Variants in SULF1 observed in about 807,000 individuals in gnomAD.
SULF1 encodes sulfatase 1.
Under a neutral mutation model 110.5 loss-of-function variants are expected in SULF1, and 46 were observed. The observed-to-expected ratio is 0.42, with a 90% confidence interval of 0.33 to 0.53. The LOEUF (loss-of-function observed/expected upper bound fraction) is 0.53. Among genes scored for constraint, SULF1 ranks in the 20% least tolerant of loss-of-function variants. The pLI is 0.12. For synonymous variants in SULF1, 371 were observed against 387.1 expected (o/e 0.96, Z 0.49); for missense variants, 941 against 1,094.2 (o/e 0.86, Z 1.98).
Position 69,499,475 on chromosome 8 carries a change from C to G in SULF1, c.-228-2399C>G, listed in dbSNP as rs113370485. On this transcript the variant is annotated intron_variant, in intron 2 of 22. Coordinates refer to ENST00000402687, the MANE Select transcript of SULF1 (RefSeq NM_001128205.2). ...TTTCTATTGCATATTAAGAATTACA[C>G]CTGTTTATAAGGAACTGTTACAAGA... 2.0e-5 allele frequency among the ~76,000 whole-genome samples: 3 copies of G among 152,138 alleles called. No homozygotes were observed. In the South Asian group the frequency reaches 6.2e-4, roughly 31 times the overall value.
At chr8:69,632,752 C>T (rs1381231681) in intron 19 of SULF1, among the ~76,000 whole-genome samples, 8 of 152,216 alleles carry the variant, frequency 5.3e-5, no homozygotes, top group East Asian at 1.9e-4. Context: ...AGGCCAAGAA[C>T]AGCAATTCAT....
At chr8:69,549,710 T>G (rs1295496269) in intron 3 of SULF1, among the ~76,000 whole-genome samples, 2 of 152,166 alleles carry the variant, frequency 1.3e-5, no homozygotes, top group African/African-American at 4.8e-5. Context: ...ACTCGGAGCC[T>G]GAGAATGACT....
chr8:69,640,386 T>C (rs1002815871), intron 21 of SULF1, among the ~76,000 whole-genome samples: 5 of 152,210 alleles, frequency 3.3e-5, no homozygotes, highest in African/African-American at 1.2e-4. Flanking sequence ...GAGCCAGTTA[T>C]GCTGTTTCAC....
intron 13 of SULF1, among the ~76,000 whole-genome samples, chr8:69,616,315 G>A (rs1329814105): frequency 6.6e-6 from 1 of 151,694 alleles, no homozygotes; most frequent in Non-Finnish European, 1.5e-5. Flanking sequence ...TGCCTCTCAG[G>A]TTCAAGCCAT....
At chr8:69,516,416 TACTC>T (rs1811921961) in intron 3 of SULF1, among the ~76,000 whole-genome samples, 1 of 151,176 alleles carries the variant, frequency 6.6e-6, no homozygotes, top group Admixed American at 6.6e-5. Flanking sequence ...TGTGGGAACT[TACTC>T]ACTATTATGA....
chr8:69,657,386 G>A (rs1218267401), intron 22 of SULF1, among the ~76,000 whole-genome samples: 5 of 152,026 alleles, frequency 3.3e-5, no homozygotes, highest in South Asian at 2.1e-4. Flanking sequence ...GCCTTCAATC[G>A]TGCACAGGCA....
At chr8:69,528,611 G>A (rs2150634583) in intron 3 of SULF1, among the ~76,000 whole-genome samples, 1 of 152,198 alleles carries the variant, frequency 6.6e-6, no homozygotes, top group African/African-American at 2.4e-5. Context: ...TCCAACTTTT[G>A]GACATACAAC....
rs188872429 is a variant in SULF1 at position 69,517,710 on chromosome 8, A to C, written c.-134+15742A>C. Among the ~76,000 whole-genome samples the C allele has an allele frequency of 3.3e-3, 499 of 152,248 alleles. 2 individuals carry two copies. Among genetic ancestry groups the C allele is most frequent in the African/African-American group, 0.012 (484 of 41,542 alleles). ...AGATATGAATAGAAAATAAGAGAAA[A>C]AGTATCCAGTAAAAAAGAAGTCAAT... On this transcript the variant is annotated intron_variant, in intron 3 of 22. Coordinates refer to ENST00000402687, the MANE Select transcript of SULF1 (RefSeq NM_001128205.2).
chr8:69,561,957 T>C (rs6985879), intron 3 of SULF1, among the ~76,000 whole-genome samples: 74,072 of 152,146 alleles, frequency 0.49, 20,313 homozygotes, highest in African/African-American at 0.76. Context: ...GTTCAGCATG[T>C]ACAGCAATCA....
intron 3 of SULF1, among the ~76,000 whole-genome samples, chr8:69,557,467 C>G (rs556166922): frequency 6.6e-6 from 1 of 152,254 alleles, no homozygotes; most frequent in Admixed American, 6.5e-5. Flanking sequence ...GGTTTTAGTA[C>G]CTGCTTTTAT....
rs751451439 is a variant in SULF1, at chr8:69,586,519, G to A, written c.564+11G>A. The A allele has an allele frequency of 8.1e-6, 13 of 1,607,888 alleles. No individual in the cohort carries two copies. The highest frequency in any genetic ancestry group is 1.7e-4 in the Middle Eastern group (1 of 6,056). On this transcript the variant is annotated intron_variant, in intron 7 of 22. Coordinates refer to ENST00000402687, the MANE Select transcript of SULF1 (RefSeq NM_001128205.2). Reference sequence around the variant, plus strand: ...TTTGATTATGCAAAGGTAATTTTCAGGCACTTTTACACTGCATCAATTTAC... The same window carrying A: ...TTTGATTATGCAAAGGTAATTTTCAAGCACTTTTACACTGCATCAATTTAC...
chr8:69,516,639 T>G (rs1028800189), intron 3 of SULF1, among the ~76,000 whole-genome samples: 1 of 152,186 alleles, frequency 6.6e-6, no homozygotes, highest in Non-Finnish European at 1.5e-5. Context: ...ATAAATAATT[T>G]TTACTTTATG....
At chr8:69,517,848 G>T (rs1812041510) in intron 3 of SULF1, among the ~76,000 whole-genome samples, 1 of 152,138 alleles carries the variant, frequency 6.6e-6, no homozygotes, top group South Asian at 2.1e-4. Flanking sequence ...TGCTAACACT[G>T]ATGAAAGAGG....
chr8:69,637,991 C>T (rs1811184368), intron 19 of SULF1: 1 of 163,730 alleles, frequency 6.1e-6, no homozygotes, highest in Non-Finnish European at 1.3e-5. Flanking sequence ...CAGAGACCAT[C>T]CCAAATCCTC....
At position 69,658,986 on chromosome 8, in the gene SULF1, G is replaced by T. The variant is rs1186023704; in HGVS notation, c.*451G>T. 1 of 457,624 alleles carries T rather than the reference G, an allele frequency of 2.2e-6. No homozygotes were observed. The highest frequency in any genetic ancestry group is 2.3e-5 in the Admixed American group (1 of 42,612). 28.3% of individuals were successfully genotyped at this position (457,624 alleles called of 1,614,324 possible). A position where few individuals can be genotyped will look rare whatever the true frequency, so the allele number is the denominator to read the frequency against. On this transcript the variant is annotated 3_prime_UTR_variant, in exon 23 of 23. Coordinates refer to ENST00000402687, the MANE Select transcript of SULF1 (RefSeq NM_001128205.2). ...GGAGAAAAACCGAAAAATGGACGGG[G>T]CATGAAGAGACTAATCATCTGGAAA...
chr8:69,583,406 TAAA>T (rs5892206), intron 6 of SULF1, among the ~76,000 whole-genome samples: 10 of 137,054 alleles, frequency 7.3e-5, no homozygotes, highest in African/African-American at 8.1e-5. Context: ...CATCTCTATT[TAAA>T]AAAAAAAAAA....
intron 3 of SULF1, among the ~76,000 whole-genome samples, chr8:69,557,020 T>C (rs1433304829): frequency 6.6e-6 from 1 of 152,208 alleles, no homozygotes; most frequent in African/African-American, 2.4e-5. Flanking sequence ...GAACATGTGC[T>C]GTTTGGTTTT....
chr8:69,631,020 A>C (rs1044843928), intron 19 of SULF1, among the ~76,000 whole-genome samples: 38 of 150,800 alleles, frequency 2.5e-4, no homozygotes, highest in African/African-American at 8.3e-4. Flanking sequence ...TTCCTGTGTC[A>C]ACATTTTTAA....
intron 8 of SULF1, among the ~76,000 whole-genome samples, chr8:69,596,117 C>T (rs1257859318): frequency 6.6e-6 from 1 of 152,074 alleles, no homozygotes; most frequent in Non-Finnish European, 1.5e-5. Flanking sequence ...TGAGCAGTGA[C>T]CACAGGAAAA....
Sources: gnomAD v4.1 joint callset for allele counts (sites outside exome capture counted in the v4.1 genomes callset) on GRCh38, gnomAD v4.1.1 for gene constraint, MANE v1.5 for transcripts, NCBI Gene and HGNC (gene_info 2026-07-23, HGNC 2026-07-21) for gene names.